The following ERO1B variants were observed in gnomAD, a reference collection of about 807,000 sequenced individuals.
ERO1B encodes the protein ERO1-like protein beta.
Under a neutral mutation model 75.3 loss-of-function variants are expected in ERO1B, and 49 were observed. The ratio of observed to expected loss-of-function variants is 0.65; its 90% CI spans 0.52 to 0.83. The LOEUF is 0.83. Ranked by LOEUF, ERO1B falls within the 40% of genes least tolerant of loss-of-function variation. The pLI is 0.00. For missense variants in ERO1B, 512 were observed against 560.1 expected (o/e 0.91, Z 0.87); for synonymous variants, 191 against 192.9 (o/e 0.99, Z 0.08).
chr1:236,256,511 C>T (rs1665163754), intron 2 of ERO1B, among the ~76,000 whole-genome samples: 1 of 149,950 alleles, frequency 6.7e-6, no homozygotes, highest in Non-Finnish European at 1.5e-5. Flanking sequence ...CAAACTCCCA[C>T]AATCTCTCAA....
intron 14 of ERO1B, chr1:236,221,690 T>C (rs1191797067): frequency 1.7e-5 from 7 of 423,836 alleles, no homozygotes; most frequent in Non-Finnish European, 2.9e-5. Context: ...ATTGTATCAA[T>C]AGAAACATAG....
intron 2 of ERO1B, among the ~76,000 whole-genome samples, chr1:236,264,278 C>A (rs1172796466): frequency 6.6e-6 from 1 of 151,712 alleles, no homozygotes; most frequent in Non-Finnish European, 1.5e-5. Context: ...CAGCTAGTTT[C>A]TTGTATTTTT....
rs1279932833 is a variant in ERO1B, at chr1:236,216,958, A to G, written c.*1558T>C. On this transcript the variant is annotated 3_prime_UTR_variant, in exon 16 of 16. Coordinates refer to ENST00000354619, the MANE Select transcript of ERO1B (RefSeq NM_019891.4). ...CAACTTAACAAAAAATACTACCACC[A>G]TCAACAACAAAACCCCAAGTTTATA... The G allele has an allele frequency of 6.6e-6, 1 of 152,042 alleles. No individual in the cohort carries two copies. The highest frequency in any genetic ancestry group is 1.5e-5 in the Non-Finnish European group (1 of 67,960). 9.4% of individuals were successfully genotyped at this position (152,042 alleles called of 1,614,324 possible). A position where few individuals can be genotyped will look rare whatever the true frequency, so the allele number is the denominator to read the frequency against.
At chr1:236,258,382 T>TA (rs34701653) in intron 2 of ERO1B, among the ~76,000 whole-genome samples, 36,672 of 151,900 alleles carry the variant, frequency 0.24, 4,651 homozygotes, top group East Asian at 0.38. Context: ...AGTGGAATGT[T>TA]AGATTCAAAA....
intron 10 of ERO1B, among the ~76,000 whole-genome samples, chr1:236,229,221 T>G (rs1664343446): frequency 6.6e-6 from 1 of 151,294 alleles, no homozygotes; most frequent in African/African-American, 2.4e-5. Context: ...AGGCCTGGAG[T>G]TCAAACCAGC....
intron 9 of ERO1B, among the ~76,000 whole-genome samples, chr1:236,231,707 G>A (rs1479741815): frequency 1.3e-5 from 2 of 151,982 alleles, no homozygotes. Flanking sequence ...AGGAGTCTAG[G>A]GATAAACTAG....
chr1:236,226,234 A>T, intron 12 of ERO1B, 35 bp downstream of exon 12: 1 of 1,604,886 alleles, frequency 6.2e-7, no homozygotes, highest in Middle Eastern at 1.7e-4. Flanking sequence ...GAATACAGAG[A>T]GGAGAATTTC....
intron 6 of ERO1B, among the ~76,000 whole-genome samples, chr1:236,237,119 T>TC (rs1460785687): frequency 1.3e-4 from 17 of 126,766 alleles, no homozygotes; most frequent in Non-Finnish European, 2.6e-4. Context: ...ATTTGGACTT[T>TC]TTTTTTTTTT....
chr1:236,265,026 T>C lies in ERO1B; in HGVS notation c.222+4849A>G, dbSNP rs146657109. ...CACAAAAAAGTAAAATAAAATTTTA[T>C]GGCTCTAGTTATTTTTTTCTCTTTT... is the stretch of plus-strand genomic sequence containing the variant. On this transcript the variant is annotated intron_variant, in intron 2 of 15. Coordinates refer to ENST00000354619, the MANE Select transcript of ERO1B (RefSeq NM_019891.4). 3.3e-3 allele frequency among the ~76,000 whole-genome samples: 467 copies of C among 142,684 alleles called. 11 individuals are homozygous for C. The highest frequency in any genetic ancestry group is 0.027 in the Admixed American group (367 of 13,636). The allele number at this position is 142,684 out of a possible 152,430, so 93.6% of individuals were successfully genotyped here. A position where few individuals can be genotyped will look rare whatever the true frequency, so the allele number is the denominator to read the frequency against.
chr1:236,243,034 T>C (rs1664751052), intron 6 of ERO1B, among the ~76,000 whole-genome samples: 1 of 152,190 alleles, frequency 6.6e-6, no homozygotes, highest in Non-Finnish European at 1.5e-5. Flanking sequence ...TATAACTAAG[T>C]GGCTTCAATT....
intron 2 of ERO1B, among the ~76,000 whole-genome samples, chr1:236,265,951 T>C (rs1454248050): frequency 1.3e-5 from 2 of 152,236 alleles, no homozygotes; most frequent in African/African-American, 2.4e-5. Context: ...TTTTCCCAAA[T>C]ACTTTCTCTA....
At chr1:236,273,475 A>C (rs1487963396) in intron 1 of ERO1B, among the ~76,000 whole-genome samples, 10 of 152,358 alleles carry the variant, frequency 6.6e-5, no homozygotes, top group Middle Eastern at 6.8e-3. Context: ...GCTAAAGAAC[A>C]TTGCTACACA....
chr1:236,266,378 T>G (rs1196755039), intron 2 of ERO1B, among the ~76,000 whole-genome samples: 2 of 152,110 alleles, frequency 1.3e-5, no homozygotes, highest in African/African-American at 4.8e-5. Flanking sequence ...CCAAGGCGGG[T>G]GGATCACCTG....
In ERO1B at chr1:236,249,918, GCTTGCTCACAATCTT is replaced by G; in HGVS notation, c.383_397del (p.Glu128_Gln132del). ...GCTGTTAATTGCTCCCAGTTTATTAGCTTGCTCACAATCTTCTAATTCTTTGGTATTGTTTGCCAT... is the reference window on the plus strand; with the variant it reads ...GCTGTTAATTGCTCCCAGTTTATTAGCTAATTCTTTGGTATTGTTTGCCAT... On this transcript the variant is annotated inframe_deletion, in exon 5 of 16. Coordinates refer to ENST00000354619, the MANE Select transcript of ERO1B (RefSeq NM_019891.4). 1 of 1,601,536 alleles carries G rather than the reference GCTTGCTCACAATCTT, an allele frequency of 6.2e-7. No individual in the cohort carries two copies. The highest frequency in any genetic ancestry group is 8.5e-7 in the Non-Finnish European group (1 of 1,175,064).
intron 2 of ERO1B, among the ~76,000 whole-genome samples, chr1:236,269,659 CA>C (rs1665545392): frequency 6.6e-6 from 1 of 152,086 alleles, no homozygotes; most frequent in Non-Finnish European, 1.5e-5. Context: ...GCCTAAAAAC[CA>C]AAACTGAAAA....
In ERO1B at chr1:236,226,503, T is replaced by C; in HGVS notation, c.818A>G (p.Lys273Arg). Residue 273 changes from lysine to arginine, a missense_variant, in exon 12 of 16, where the codon AAG becomes AGG. By Grantham distance (26) the Lys-to-Arg change is conservative. Coordinates refer to ENST00000354619, the MANE Select transcript of ERO1B (RefSeq NM_019891.4). ...TTTAATATTAGGTCCCCAACTGGGCTTACCCCAGGTTTCTAAAGAGAAAGA... is the reference window on the plus strand; with the variant it reads ...TTTAATATTAGGTCCCCAACTGGGCCTACCCCAGGTTTCTAAAGAGAAAGA... ...ANYLLEETWG[K>R]PSWGPNIKEF... 3.1e-6 allele frequency: 5 copies of C among 1,610,484 alleles called. No individual in the cohort carries two copies. The highest frequency in any genetic ancestry group is 4.2e-6 in the Non-Finnish European group (5 of 1,179,242).
intron 2 of ERO1B, among the ~76,000 whole-genome samples, chr1:236,263,998 T>C (rs375569395): frequency 2.6e-5 from 4 of 152,118 alleles, no homozygotes; most frequent in African/African-American, 9.6e-5. Context: ...TATGAAGATA[T>C]TGACTTTTTG....
chr1:236,238,513 G>A (rs1572041042), intron 6 of ERO1B, among the ~76,000 whole-genome samples: 2 of 138,038 alleles, frequency 1.4e-5, no homozygotes, highest in Non-Finnish European at 3.1e-5. Context: ...ACTCCACCCT[G>A]GGCAACAGCC....
chr1:236,255,594 A>C (rs932463136), intron 2 of ERO1B, among the ~76,000 whole-genome samples: 1 of 152,190 alleles, frequency 6.6e-6, no homozygotes, highest in African/African-American at 2.4e-5. Flanking sequence ...AGAAGAAGGC[A>C]AAAATAGGTA....
Sources: gnomAD v4.1 joint callset for allele counts (sites outside exome capture counted in the v4.1 genomes callset) on GRCh38, gnomAD v4.1.1 for gene constraint, MANE v1.5 for transcripts, NCBI Gene and HGNC (gene_info 2026-07-23, HGNC 2026-07-21) for gene names.